MAP3K5: variants seen among roughly 807,000 people sequenced by gnomAD.
The protein encoded by MAP3K5 is ASK-1.
MAP3K5 carries 56 observed loss-of-function variants against 158.7 expected under a neutral mutation model. The ratio of observed to expected loss-of-function variants is 0.35; its 90% CI spans 0.28 to 0.44. The LOEUF (loss-of-function observed/expected upper bound fraction) is 0.44, where lower values mean the gene tolerates loss of function less well. Among genes scored for constraint, MAP3K5 ranks in the 20% least tolerant of loss-of-function variants. MAP3K5 has a pLI of 1.00. For missense variants in MAP3K5, 1,294 were observed against 1,674.8 expected, an observed-to-expected ratio of 0.77 and a Z score of 3.97; for synonymous variants, 579 against 601.7, an observed-to-expected ratio of 0.96 and a Z score of 0.55.
chr6:136,749,595 C>CA (rs1783106315), intron 1 of MAP3K5, among the ~76,000 whole-genome samples: 1 of 151,702 alleles, frequency 6.6e-6, no homozygotes, highest in Non-Finnish European at 1.5e-5. Context: ...AGGGAGGGCT[C>CA]AAACATTGCC....
intron 15 of MAP3K5, among the ~76,000 whole-genome samples, chr6:136,621,757 G>C (rs1009416591): frequency 1.3e-5 from 2 of 152,180 alleles, no homozygotes; most frequent in African/African-American, 4.8e-5. Flanking sequence ...CTTGTGGACA[G>C]ACCTTGTTAA....
At chr6:136,643,477 C>T (rs1778088926) in intron 11 of MAP3K5, among the ~76,000 whole-genome samples, 1 of 152,180 alleles carries the variant, frequency 6.6e-6, no homozygotes, top group African/African-American at 2.4e-5. Context: ...CTTACCCACC[C>T]ACTGCCAGGA....
chr6:136,578,776 A>C (rs567353633), intron 25 of MAP3K5, among the ~76,000 whole-genome samples: 44 of 152,344 alleles, frequency 2.9e-4, no homozygotes, highest in African/African-American at 1.0e-3. Flanking sequence ...TCTCATGTCA[A>C]ACACCCAAGT....
chr6:136,698,550 T>C lies in MAP3K5; in HGVS notation c.745A>G (p.Ile249Val), dbSNP rs750932730. 3.1e-6 allele frequency: 5 copies of C among 1,613,914 alleles called. No individual in the cohort carries two copies. In the African/African-American group the frequency reaches 4.0e-5, roughly 13 times the overall value. ...AAACGATCCACAAGAGGTAAGCAGA[T>C]GGGTCCAAGAAGCAGCTCGAAGTTC... ...QPNFELLLGP[I>V]CLPLVDRFIQ... Residue 249 changes from isoleucine (I) to valine (V), a missense_variant, in exon 4 of 30, where the codon ATC becomes GTC. Around this residue, in one of 5 missense-constraint regions of MAP3K5, gnomAD observed 690 missense variants for 870.5 expected, o/e 0.79. Transcript: ENST00000359015.
chr6:136,704,004 C>T (rs917116093), intron 3 of MAP3K5, among the ~76,000 whole-genome samples: 1 of 152,194 alleles, frequency 6.6e-6, no homozygotes, highest in African/African-American at 2.4e-5. Context: ...AACCATTGGC[C>T]TAACAAGGCT....
intron 18 of MAP3K5, among the ~76,000 whole-genome samples, 175 bp downstream of exon 18, chr6:136,611,107 C>CAAAAAAAAAAAAAAAAAAAAAA (rs59508317): frequency 4.5e-4 from 11 of 24,432 alleles, no homozygotes; most frequent in Admixed American, 6.4e-4. Flanking sequence ...GACCCTGTCT[C>CAAAAAAAAAAAAAAAAAAAAAA]AAAAAAAAAA....
At chr6:136,642,087 A>AAAT (rs1778002531) in intron 12 of MAP3K5, among the ~76,000 whole-genome samples, 1 of 147,098 alleles carries the variant, frequency 6.8e-6, no homozygotes, top group Admixed American at 7.4e-5. Flanking sequence ...AAATAAAATA[A>AAAT]AATAAAATTA....
chr6:136,699,334 C>A (rs1332135908), intron 3 of MAP3K5, among the ~76,000 whole-genome samples: 1 of 152,230 alleles, frequency 6.6e-6, no homozygotes, highest in Non-Finnish European at 1.5e-5. Context: ...GCCTGAGCCA[C>A]TGCCATCAGC....
intron 23 of MAP3K5, among the ~76,000 whole-genome samples, chr6:136,591,075 T>C (rs2129080423): frequency 6.6e-6 from 1 of 152,342 alleles, no homozygotes; most frequent in African/African-American, 2.4e-5. Context: ...GGAATTCCCC[T>C]GCACAAGCTC....
At chr6:136,698,803 T>G in intron 3 of MAP3K5, 121 bp from the exon 4 acceptor site, 1 of 669,700 alleles carries the variant, frequency 1.5e-6, no homozygotes, top group South Asian at 2.1e-5. Context: ...AAAGCCTCAT[T>G]ATTTATTTAT....
At chr6:136,757,703 C>T (rs1783568846) in intron 1 of MAP3K5, among the ~76,000 whole-genome samples, 1 of 151,306 alleles carries the variant, frequency 6.6e-6, no homozygotes, top group Admixed American at 6.6e-5. Flanking sequence ...TCTCCTACCT[C>T]AGCCTCACAA....
chr6:136,571,552 G>C (rs1197969991), intron 25 of MAP3K5, among the ~76,000 whole-genome samples: 4 of 152,160 alleles, frequency 2.6e-5, no homozygotes, highest in African/African-American at 9.7e-5. Context: ...TGCCCTCAAA[G>C]TTCATCCATG....
chr6:136,781,805 C>G (rs1784623054), intron 1 of MAP3K5, among the ~76,000 whole-genome samples: 2 of 152,192 alleles, frequency 1.3e-5, no homozygotes, highest in Admixed American at 6.5e-5. Flanking sequence ...TATCTAGCTA[C>G]AGGCCAAAGC....
intron 1 of MAP3K5, among the ~76,000 whole-genome samples, chr6:136,723,515 T>C (rs1781832397): frequency 6.6e-6 from 1 of 152,150 alleles, no homozygotes; most frequent in East Asian, 1.9e-4. Flanking sequence ...AATTATTTTA[T>C]TTTTCTATTT....
At chr6:136,728,477 G>A (rs1184804127) in intron 1 of MAP3K5, among the ~76,000 whole-genome samples, 1 of 152,140 alleles carries the variant, frequency 6.6e-6, no homozygotes, top group African/African-American at 2.4e-5. Flanking sequence ...AAGGACATAA[G>A]AATCATCTAT....
intron 1 of MAP3K5, among the ~76,000 whole-genome samples, chr6:136,741,245 A>G (rs1274073259): frequency 6.6e-6 from 1 of 152,194 alleles, no homozygotes; most frequent in Non-Finnish European, 1.5e-5. Context: ...TAGCTAGCAC[A>G]CGGAGATACT....
chr6:136,716,598 T>C (rs529727849), intron 2 of MAP3K5, among the ~76,000 whole-genome samples: 1 of 152,290 alleles, frequency 6.6e-6, no homozygotes, highest in African/African-American at 2.4e-5. Flanking sequence ...TCATCAGAGG[T>C]GTTTAATGCA....
chr6:136,627,878 T>G (rs1777117258), intron 14 of MAP3K5, among the ~76,000 whole-genome samples: 2 of 152,240 alleles, frequency 1.3e-5, no homozygotes, highest in Admixed American at 1.3e-4. Context: ...TCTGTCATCC[T>G]CGTCTGGACA....
chr6:136,595,178 C>T (rs761480152), intron 21 of MAP3K5, among the ~76,000 whole-genome samples: 4 of 152,184 alleles, frequency 2.6e-5, no homozygotes, highest in Non-Finnish European at 5.9e-5. Context: ...AGTGCAGTGG[C>T]ATGATCTTGG....
Sources: allele counts gnomAD v4.1 joint callset (sites outside exome capture counted in the v4.1 genomes callset), GRCh38; gene constraint gnomAD v4.1.1; regional missense constraint gnomAD v4.1.1; transcripts MANE v1.5; gene names NCBI Gene and HGNC (gene_info 2026-07-23, HGNC 2026-07-21).